SRGAP3: variants seen among roughly 807,000 people sequenced by gnomAD.
The protein encoded by SRGAP3 is SLIT-ROBO Rho GTPase activating protein 3.
A neutral mutation model predicts 121.1 loss-of-function variants in SRGAP3; 39 were observed. The observed-to-expected ratio is 0.32, with a 90% confidence interval of 0.25 to 0.42. SRGAP3 has a LOEUF of 0.42. Ranked by LOEUF, SRGAP3 falls within the 10% of genes least tolerant of loss-of-function variation. SRGAP3 has a pLI of 1.00. For synonymous variants in SRGAP3, 601 were observed against 570.0 expected (o/e 1.05, Z -0.77); for missense variants, 1,213 against 1,470.6 (o/e 0.82, Z 2.86).
intron 1 of SRGAP3, among the ~76,000 whole-genome samples, chr3:9,226,514 G>GCT (rs1952993652): frequency 3.3e-5 from 5 of 152,120 alleles, no homozygotes; most frequent in East Asian, 1.9e-4. Context: ...TGTTAGAAAG[G>GCT]TCTTCCAGAC....
chr3:9,038,714 C>T (rs556289660), intron 10 of SRGAP3, among the ~76,000 whole-genome samples: 1 of 152,272 alleles, frequency 6.6e-6, no homozygotes, highest in South Asian at 2.1e-4. Flanking sequence ...CTCCACGAGG[C>T]CCTCCCACCT....
intron 1 of SRGAP3, among the ~76,000 whole-genome samples, chr3:9,128,252 G>A (rs1428925759): frequency 6.6e-6 from 1 of 152,176 alleles, no homozygotes; most frequent in African/African-American, 2.4e-5. Flanking sequence ...TTTATCAAAT[G>A]TGTAAAATAA....
chr3:9,147,392 C>T (rs967251734), intron 1 of SRGAP3, among the ~76,000 whole-genome samples: 1 of 152,106 alleles, frequency 6.6e-6, no homozygotes, highest in Non-Finnish European at 1.5e-5. Flanking sequence ...TTTCACACAC[C>T]TGATCTCATT....
intron 3 of SRGAP3, among the ~76,000 whole-genome samples, chr3:9,258,951 C>G (rs1954193465): frequency 6.6e-6 from 1 of 152,180 alleles, no homozygotes; most frequent in Non-Finnish European, 1.5e-5. Context: ...CGATGTCCTC[C>G]TCGCACTTAA....
intron 21 of SRGAP3, among the ~76,000 whole-genome samples, chr3:8,988,821 C>T (rs1941874429): frequency 6.6e-6 from 1 of 152,176 alleles, no homozygotes; most frequent in Non-Finnish European, 1.5e-5. Context: ...TACCTAGATC[C>T]CTCACATGCG....
chr3:9,014,107 C>A (rs77540739), intron 15 of SRGAP3: 7,050 of 507,050 alleles, frequency 0.014, 82 homozygotes, highest in Middle Eastern at 0.02. Flanking sequence ...CAGGGAGATG[C>A]CCTCTTGGAC....
At chr3:9,188,451 G>A (rs1034394616) in intron 1 of SRGAP3, among the ~76,000 whole-genome samples, 3 of 152,208 alleles carry the variant, frequency 2.0e-5, no homozygotes, top group Admixed American at 6.5e-5. Context: ...TTTTCTAGAT[G>A]AGGAAACTGA....
chr3:9,278,999 C>T (rs1420805009), intron 3 of SRGAP3, among the ~76,000 whole-genome samples: 4 of 151,958 alleles, frequency 2.6e-5, no homozygotes, highest in Non-Finnish European at 4.4e-5. Flanking sequence ...CCTGGCCGGG[C>T]GTGGTGGTGC....
At chr3:9,206,511 G>T (rs1952270971) in intron 1 of SRGAP3, among the ~76,000 whole-genome samples, 1 of 152,138 alleles carries the variant, frequency 6.6e-6, no homozygotes, top group Non-Finnish European at 1.5e-5. Flanking sequence ...CATGGTTATG[G>T]CCCCTCGATG....
intron 3 of SRGAP3, among the ~76,000 whole-genome samples, chr3:9,305,999 T>C (rs566231556): frequency 6.6e-6 from 1 of 152,344 alleles, no homozygotes; most frequent in African/African-American, 2.4e-5. Flanking sequence ...TCTTCCACAA[T>C]GGTTGAACTA....
At chr3:9,283,551 C>G (rs1954717891) in intron 3 of SRGAP3, among the ~76,000 whole-genome samples, 3 of 152,320 alleles carry the variant, frequency 2.0e-5, no homozygotes, top group South Asian at 4.1e-4. Flanking sequence ...TTCTAATTTT[C>G]ATTTGAAAGC....
Position 9,026,937 on chromosome 3 carries a change from T to C in SRGAP3, c.1598A>G (p.Tyr533Cys), listed in dbSNP as rs750611694. The change falls in exon 13 of 22, where the codon TAT becomes TGT. Residue 533 changes from tyrosine (Y) to cysteine (C), a missense_variant and splice_region_variant. This residue lies in a region of SRGAP3 where 793 missense variants were observed against 1,032.9 expected (regional missense o/e 0.77). Transcript: ENST00000383836. The part of the protein sequence containing the change: ...VESCIRYINL[Y>C]GLQQQGIFRV... ...CACTGGCCCAAGATCCAGCTTACCA[T>C]ATAAATTGATGTAACGGATGCAGCT... 8.1e-6 allele frequency: 13 copies of C among 1,614,074 alleles called. No individual in the cohort carries two copies. Among genetic ancestry groups the C allele is most frequent in the East Asian group, 6.7e-5 (3 of 44,900 alleles).
At chr3:9,000,457 G>A (rs1942687602) in intron 18 of SRGAP3, among the ~76,000 whole-genome samples, 1 of 152,216 alleles carries the variant, frequency 6.6e-6, no homozygotes, top group Non-Finnish European at 1.5e-5. Flanking sequence ...TCCTGGCTCA[G>A]AGATTTTCCC....
At chr3:9,267,886 T>C (rs545302893) in intron 3 of SRGAP3, among the ~76,000 whole-genome samples, 2 of 152,322 alleles carry the variant, frequency 1.3e-5, no homozygotes, top group African/African-American at 4.8e-5. Flanking sequence ...ATTTTCTACA[T>C]TATCTCAGGG....
intron 3 of SRGAP3, among the ~76,000 whole-genome samples, chr3:9,265,762 A>C (rs1954348531): frequency 6.6e-6 from 1 of 152,236 alleles, no homozygotes; most frequent in Non-Finnish European, 1.5e-5. Context: ...GAACACTTTT[A>C]CACTGTTGGT....
chr3:9,046,516 CAT>C (rs1180396179), intron 10 of SRGAP3, among the ~76,000 whole-genome samples: 4 of 152,228 alleles, frequency 2.6e-5, no homozygotes, highest in Admixed American at 2.6e-4. Flanking sequence ...TATAAGGCCT[CAT>C]GTGCCGTGAC....
intron 1 of SRGAP3, among the ~76,000 whole-genome samples, chr3:9,240,213 C>T (rs1953575897): frequency 6.6e-6 from 1 of 152,100 alleles, no homozygotes; most frequent in Non-Finnish European, 1.5e-5. Context: ...AATGATTCAA[C>T]AAACTGAGGG....
chr3:8,989,945 C>G (rs1038361357), intron 21 of SRGAP3, among the ~76,000 whole-genome samples: 3 of 152,194 alleles, frequency 2.0e-5, no homozygotes, highest in Non-Finnish European at 4.4e-5. Context: ...TTTAGGCTCT[C>G]AAAATACTTT....
chr3:8,997,849 TA>T (rs1368567765), intron 18 of SRGAP3, among the ~76,000 whole-genome samples: 2 of 151,600 alleles, frequency 1.3e-5, no homozygotes, highest in Non-Finnish European at 2.9e-5. Context: ...ACTTTATCTC[TA>T]AACACTTCAG....
Sources: allele counts gnomAD v4.1 joint callset (sites outside exome capture counted in the v4.1 genomes callset), GRCh38; gene constraint gnomAD v4.1.1; regional missense constraint gnomAD v4.1.1; transcripts MANE v1.5; gene names NCBI Gene and HGNC (gene_info 2026-07-23, HGNC 2026-07-21).